The following SRGAP2 variants were observed in gnomAD, a reference collection of about 807,000 sequenced individuals.
SRGAP2 encodes the protein SLIT-ROBO Rho GTPase activating protein 2.
SRGAP2 carries 15 observed loss-of-function variants against 57.2 expected under a neutral mutation model. The ratio of observed to expected loss-of-function variants is 0.26; its 90% CI spans 0.18 to 0.40. The LOEUF (loss-of-function observed/expected upper bound fraction) is 0.40. Ranked by LOEUF, SRGAP2 falls within the 10% of genes least tolerant of loss-of-function variation. The pLI is 1.00. For missense variants in SRGAP2, 520 were observed against 669.6 expected, an observed-to-expected ratio of 0.78 and a Z score of 2.47; for synonymous variants, 249 against 248.0, an observed-to-expected ratio of 1.00 and a Z score of -0.04.
intron 21 of SRGAP2, chr1:206,456,038 A>G (rs182023528): frequency 1.3e-5 from 2 of 152,370 alleles, no homozygotes; most frequent in East Asian, 1.9e-4. Context: ...GATGATGTAC[A>G]GTTTTTATTC....
intron 3 of SRGAP2, among the ~76,000 whole-genome samples, chr1:206,314,559 T>C (rs1672924502): frequency 6.6e-6 from 1 of 152,202 alleles, no homozygotes; most frequent in African/African-American, 2.4e-5. Flanking sequence ...AAATTTCTAG[T>C]AGTTGACAAA....
chr1:206,363,792 C>T (rs1473101206), intron 4 of SRGAP2, among the ~76,000 whole-genome samples: 4 of 152,130 alleles, frequency 2.6e-5, no homozygotes, highest in African/African-American at 9.7e-5. Context: ...TTTCTTAGTG[C>T]GTTATATCAG....
chr1:206,295,558 A>G (rs1671544300), intron 2 of SRGAP2, among the ~76,000 whole-genome samples: 2 of 151,022 alleles, frequency 1.3e-5, no homozygotes, highest in Admixed American at 1.3e-4. Flanking sequence ...GACTACCTCC[A>G]GAAGCCTGAC....
chr1:206,457,957 A>C (rs1387284798), intron 21 of SRGAP2, among the ~76,000 whole-genome samples: 5 of 152,236 alleles, frequency 3.3e-5, no homozygotes, highest in African/African-American at 1.2e-4. Flanking sequence ...ATTTTGTCTG[A>C]GAGCCCTAAG....
intron 4 of SRGAP2, among the ~76,000 whole-genome samples, chr1:206,375,456 A>G (rs1272159950): frequency 6.6e-6 from 1 of 152,176 alleles, no homozygotes; most frequent in Non-Finnish European, 1.5e-5. Flanking sequence ...ATCATTATCC[A>G]AAAGGGTAAA....
rs1553377817 is a variant in SRGAP2 at position 206,454,954 on chromosome 1, ACAGC to A, written c.2441_2444del (p.Ala814GlufsTer12). The A allele has an allele frequency of 2.6e-6, 2 of 780,880 alleles. No homozygotes were observed. The highest frequency in any genetic ancestry group is 3.4e-5 in the Admixed American group (2 of 59,034). 48.4% of individuals were successfully genotyped at this position (780,880 alleles called of 1,614,324 possible). On this transcript the variant is annotated frameshift_variant, in exon 21 of 23. Transcript: ENST00000573034. LOFTEE classifies it high-confidence loss of function. The surrounding 1 kb of genome is among the most constrained non-coding windows in gnomAD (Gnocchi z 4.3). ...TTCTGAGCCACCTGAAGAAAAGGTG[ACAGC>A]CAGAGCGGGGGCCAGCTGTCCCAGT...
rs558296164 is a variant in SRGAP2, at chr1:206,350,947, G to T, written c.423+7939G>T. ...ATGTCCTTTTGCCATTAGTGAATCA[G>T]TCACAAGAGAATTGCCACAACAGTC... On this transcript the variant is annotated intron_variant, in intron 4 of 22. Transcript: ENST00000573034. 3.6e-4 allele frequency among the ~76,000 whole-genome samples: 55 copies of T among 151,996 alleles called. 1 individual carries two copies. The highest frequency in any genetic ancestry group is 1.3e-3 in the African/African-American group (54 of 41,438).
At chr1:206,205,262 T>G in intron 1 of SRGAP2, 167 bp from the exon 2 acceptor site, 1 of 146,984 alleles carries the variant, frequency 6.8e-6, no homozygotes, top group Non-Finnish European at 1.5e-5. Context: ...CGGAGGGAGC[T>G]TCCTTCCTCC....
chr1:206,290,737 T>G (rs1393114216), intron 2 of SRGAP2, among the ~76,000 whole-genome samples: 1 of 150,986 alleles, frequency 6.6e-6, no homozygotes, highest in Non-Finnish European at 1.5e-5. Flanking sequence ...AAATATTAAC[T>G]CATAAAAACT....
At chr1:206,418,982 A>G (rs868919965) in intron 11 of SRGAP2, among the ~76,000 whole-genome samples, 101 of 151,976 alleles carry the variant, frequency 6.6e-4, no homozygotes, top group African/African-American at 2.3e-3. Flanking sequence ...CACCACACAC[A>G]CATCCAACAT....
At chr1:206,208,765 T>C (rs1388133119) in intron 2 of SRGAP2, among the ~76,000 whole-genome samples, 4 of 151,720 alleles carry the variant, frequency 2.6e-5, no homozygotes, top group Non-Finnish European at 5.9e-5. Flanking sequence ...GACTTACTTC[T>C]CTTACAGATG....
intron 2 of SRGAP2, among the ~76,000 whole-genome samples, chr1:206,241,876 T>A (rs1553309268): frequency 6.6e-6 from 1 of 151,054 alleles, no homozygotes; most frequent in Non-Finnish European, 1.5e-5. Context: ...ATTACTTTTT[T>A]ATTATTATTA....
chr1:206,393,591 G>A lies in SRGAP2; in HGVS notation c.749G>A (p.Arg250Gln), dbSNP rs2987928. Residue 250 changes from arginine (R) to glutamine (Q), a missense_variant, in exon 7 of 23, where the codon CGG becomes CAG. Transcript: ENST00000573034. ...AATAAGCTGAAGGCCATCAAAGCCC[G>A]GAATGAGTACTTGCTGGCTTTGGAG... ...TENKLKAIKA[R>Q]NEYLLALEAT... The A allele has an allele frequency of 1.3e-6, 1 of 777,252 alleles. No individual in the cohort carries two copies. Among genetic ancestry groups the A allele is most frequent in the Non-Finnish European group, 2.4e-6 (1 of 416,836 alleles). The allele number at this position is 777,252 out of a possible 1,614,324, so 48.1% of individuals were successfully genotyped here.
At chr1:206,423,097 G>A (rs1660457497) in intron 13 of SRGAP2, among the ~76,000 whole-genome samples, 1 of 152,102 alleles carries the variant, frequency 6.6e-6, no homozygotes, top group East Asian at 1.9e-4. Context: ...AATGGGTTCC[G>A]GTCATTTTTG....
rs576994909 is a variant in SRGAP2, at chr1:206,333,174, C to G, written c.261-9672C>G. Among the ~76,000 whole-genome samples, 12 of 150,752 alleles carry G rather than the reference C, an allele frequency of 8.0e-5. No homozygotes were observed. The East Asian group carries it at 1.6e-3, about 20-fold the overall frequency. On this transcript the variant is annotated intron_variant, in intron 3 of 22. Transcript: ENST00000573034. ...GGAGGCAGTCTGCCCGTTCTCAGAT[C>G]TCCAGCTGCGTGCTGGGAGAACCAC...
intron 10 of SRGAP2, among the ~76,000 whole-genome samples, chr1:206,414,290 G>A (rs1300693807): frequency 6.6e-6 from 1 of 152,058 alleles, no homozygotes; most frequent in Non-Finnish European, 1.5e-5. Flanking sequence ...ATCTGTCTCA[G>A]CCTCCAAAAG....
chr1:206,435,926 G>A (rs1228140865), intron 14 of SRGAP2, among the ~76,000 whole-genome samples: 4 of 152,042 alleles, frequency 2.6e-5, no homozygotes, highest in African/African-American at 9.7e-5. Flanking sequence ...TAACATTCAT[G>A]CATGTTTGTC....
chr1:206,419,324 C>CACCTCTTCTCCTTT (rs1660084378), intron 11 of SRGAP2, 49 bp from the exon 12 acceptor site: 1 of 779,818 alleles, frequency 1.3e-6, no homozygotes, highest in African/African-American at 1.7e-5. Flanking sequence ...CTCCCTCCTT[C>CACCTCTTCTCCTTT]ACCTCTTCTC....
chr1:206,356,745 T>G (rs1193810393), intron 4 of SRGAP2, among the ~76,000 whole-genome samples: 1 of 148,476 alleles, frequency 6.7e-6, no homozygotes, highest in Non-Finnish European at 1.5e-5. Context: ...TAAGTTTTCC[T>G]CCTTTTGACA....
Sources: allele counts gnomAD v4.1 joint callset (sites outside exome capture counted in the v4.1 genomes callset), GRCh38; gene constraint gnomAD v4.1.1; non-coding constraint Gnocchi (gnomAD v3.1); transcripts MANE v1.5; gene names NCBI Gene and HGNC (gene_info 2026-07-23, HGNC 2026-07-21).